CTNNA2: variants seen among roughly 807,000 people sequenced by gnomAD.
The protein encoded by CTNNA2 is catenin alpha-2.
A neutral mutation model predicts 101.0 loss-of-function variants in CTNNA2; 42 were observed. That is an observed-to-expected ratio of 0.42 (90% confidence interval 0.32 to 0.54). The LOEUF (loss-of-function observed/expected upper bound fraction) is 0.54. CTNNA2 is among the 20% of genes least tolerant of loss of function. The pLI, the probability that CTNNA2 is intolerant of heterozygous loss-of-function variation, is 0.14. For missense variants in CTNNA2, 871 were observed against 1,223.1 expected, an observed-to-expected ratio of 0.71 and a Z score of 4.29; for synonymous variants, 450 against 456.4, an observed-to-expected ratio of 0.99 and a Z score of 0.18.
chr2:80,599,661 G>A (rs925948550), intron 15 of CTNNA2, among the ~76,000 whole-genome samples: 4 of 152,066 alleles, frequency 2.6e-5, no homozygotes, highest in Admixed American at 1.3e-4. Context: ...TCTTAGAAGG[G>A]TGTTGCATCA....
chr2:80,422,347 C>T (rs1477845788), intron 9 of CTNNA2, among the ~76,000 whole-genome samples: 1 of 152,114 alleles, frequency 6.6e-6, no homozygotes, highest in East Asian at 1.9e-4. Flanking sequence ...CCACCCTTGA[C>T]ACATGAAGAT....
intron 2 of CTNNA2, among the ~76,000 whole-genome samples, chr2:79,306,357 T>C (rs1036988013): frequency 4.6e-5 from 7 of 152,226 alleles, no homozygotes; most frequent in Non-Finnish European, 1.0e-4. Context: ...ATAGATGTTG[T>C]GTTGTCACAA....
rs184282411 is a variant in CTNNA2 at position 80,591,567 on chromosome 2, C to T, written c.2189+2082C>T. On this transcript the variant is annotated intron_variant, in intron 15 of 18. Coordinates refer to ENST00000402739, the MANE Select transcript of CTNNA2 (RefSeq NM_001282597.3). ...CTTATACATTGTTATTATTGCCCTT[C>T]CACTTGCATATTCCACTTCAAGGAG... Among the ~76,000 whole-genome samples, 4 of 147,792 alleles carry T rather than the reference C, an allele frequency of 2.7e-5. No homozygotes were observed. The East Asian group carries it at 8.1e-4, about 30-fold the overall frequency.
chr2:80,520,936 G>A (rs1689490708), intron 9 of CTNNA2, among the ~76,000 whole-genome samples: 1 of 152,112 alleles, frequency 6.6e-6, no homozygotes, highest in Admixed American at 6.5e-5. Flanking sequence ...TGTTCAAGAG[G>A]GCTGTTTGGA....
intron 7 of CTNNA2, among the ~76,000 whole-genome samples, chr2:80,035,721 A>T (rs970317611): frequency 6.6e-6 from 1 of 152,212 alleles, no homozygotes; most frequent in Non-Finnish European, 1.5e-5. Flanking sequence ...TTTGTATGAA[A>T]TTTGATTTGC....
At chr2:80,342,659 C>A (rs2149281185) in intron 7 of CTNNA2, among the ~76,000 whole-genome samples, 1 of 151,948 alleles carries the variant, frequency 6.6e-6, no homozygotes, top group Middle Eastern at 3.4e-3. Context: ...TCTTTTCATA[C>A]AAAATTTCAA....
At chr2:79,684,795 A>T (rs1039789290) in intron 2 of CTNNA2, among the ~76,000 whole-genome samples, 5 of 152,024 alleles carry the variant, frequency 3.3e-5, no homozygotes, top group Admixed American at 3.3e-4. Context: ...CCTTTTCTTT[A>T]TTTATGTCTG....
intron 2 of CTNNA2, among the ~76,000 whole-genome samples, chr2:79,280,675 G>GAA (rs1473074519): frequency 4.6e-5 from 3 of 65,356 alleles, no homozygotes; most frequent in Non-Finnish European, 7.9e-5. Flanking sequence ...GAGAGAGAGA[G>GAA]AGAGAGAGAA....
At chr2:79,991,275 C>T (rs1025415679) in intron 7 of CTNNA2, among the ~76,000 whole-genome samples, 2 of 152,072 alleles carry the variant, frequency 1.3e-5, no homozygotes, top group Non-Finnish European at 2.9e-5. Flanking sequence ...CTCCTCATTC[C>T]CAAACTTGTA....
At chr2:80,038,016 A>C (rs1412123528) in intron 7 of CTNNA2, among the ~76,000 whole-genome samples, 1 of 152,180 alleles carries the variant, frequency 6.6e-6, no homozygotes, top group African/African-American at 2.4e-5. Context: ...ACATGAATAA[A>C]CTTGTCCTAT....
chr2:80,553,839 ATT>A (rs1425801431), intron 11 of CTNNA2, among the ~76,000 whole-genome samples: 5 of 152,248 alleles, frequency 3.3e-5, no homozygotes, highest in Non-Finnish European at 2.9e-5. Flanking sequence ...TTGAGTAAAC[ATT>A]TCTCTCAGAT....
chr2:79,781,279 T>A (rs1424544608), intron 3 of CTNNA2, among the ~76,000 whole-genome samples: 2 of 152,190 alleles, frequency 1.3e-5, no homozygotes, highest in Non-Finnish European at 1.5e-5. Flanking sequence ...CGACCAGAGA[T>A]CACTCTCGTC....
intron 1 of CTNNA2, among the ~76,000 whole-genome samples, chr2:79,572,244 G>C (rs920418886): frequency 1.3e-5 from 2 of 151,972 alleles, no homozygotes; most frequent in Admixed American, 1.3e-4. Flanking sequence ...TGAGACTTGT[G>C]GTCTCCACCA....
At chr2:79,982,232 A>ATATG (rs1553420949) in intron 7 of CTNNA2, among the ~76,000 whole-genome samples, 3 of 97,598 alleles carry the variant, frequency 3.1e-5, no homozygotes, top group African/African-American at 1.4e-4. Context: ...ATATATATAT[A>ATATG]TATATATATG....
intron 7 of CTNNA2, among the ~76,000 whole-genome samples, chr2:80,323,730 G>A (rs1284977032): frequency 5.3e-5 from 8 of 151,910 alleles, no homozygotes; most frequent in Middle Eastern, 3.4e-3. Context: ...TTAGCACCAT[G>A]AATATCAGGA....
intron 4 of CTNNA2, among the ~76,000 whole-genome samples, chr2:79,412,894 A>G (rs1326741431): frequency 1.3e-5 from 2 of 152,144 alleles, no homozygotes; most frequent in Non-Finnish European, 1.5e-5. Context: ...TGATAGTAGC[A>G]GCTTCCATTT....
At chr2:80,283,280 G>A (rs1573592440) in intron 7 of CTNNA2, among the ~76,000 whole-genome samples, 1 of 152,030 alleles carries the variant, frequency 6.6e-6, no homozygotes, top group African/African-American at 2.4e-5. Flanking sequence ...GCAGGGAGGG[G>A]AGAGAATATC....
chr2:79,870,273 G>C (rs1053092995), intron 5 of CTNNA2, among the ~76,000 whole-genome samples: 2 of 152,198 alleles, frequency 1.3e-5, no homozygotes, highest in Non-Finnish European at 2.9e-5. Flanking sequence ...GCTGTGGTCA[G>C]TCTCTGGATG....
At chr2:79,605,333 G>C (rs1350418358) in intron 1 of CTNNA2, among the ~76,000 whole-genome samples, 2 of 152,084 alleles carry the variant, frequency 1.3e-5, no homozygotes, top group African/African-American at 4.8e-5. Flanking sequence ...TTTGAAAAGA[G>C]CTTCATTGAG....
Sources: allele counts gnomAD v4.1 joint callset (sites outside exome capture counted in the v4.1 genomes callset), GRCh38; gene constraint gnomAD v4.1.1; transcripts MANE v1.5; gene names NCBI Gene and HGNC (gene_info 2026-07-23, HGNC 2026-07-21).